DMXL1: variants seen among roughly 807,000 people sequenced by gnomAD.
DMXL1 encodes dmX-like protein 1.
In DMXL1, 99 loss-of-function variants were observed where a neutral mutation model predicts 319.2. The ratio of observed to expected loss-of-function variants is 0.31; its 90% CI spans 0.26 to 0.37. The LOEUF (loss-of-function observed/expected upper bound fraction) is 0.37, where lower values mean the gene tolerates loss of function less well. DMXL1 is among the 10% of genes least tolerant of loss of function. DMXL1 has a pLI of 1.00. For synonymous variants in DMXL1, 1,385 were observed against 1,235.2 expected (o/e 1.12, Z -2.54); for missense variants, 3,745 against 3,595.6 (o/e 1.04, Z -1.06).
At chr5:119,204,213 C>A (rs1207402755) in intron 33 of DMXL1, among the ~76,000 whole-genome samples, 1 of 152,172 alleles carries the variant, frequency 6.6e-6, no homozygotes, top group African/African-American at 2.4e-5. Flanking sequence ...TTTCAGCTCA[C>A]TGCAACCTCT....
At chr5:119,210,738 C>G (rs1261474001) in intron 34 of DMXL1, among the ~76,000 whole-genome samples, 1 of 98,062 alleles carries the variant, frequency 1.0e-5, no homozygotes, top group African/African-American at 3.7e-5. Flanking sequence ...CTTCTAAGTT[C>G]TTTTTTCTTT....
chr5:119,090,563 T>G (rs1336482270), intron 1 of DMXL1, among the ~76,000 whole-genome samples: 5 of 150,922 alleles, frequency 3.3e-5, no homozygotes, highest in Non-Finnish European at 7.4e-5. Context: ...TCCTCTGTTT[T>G]TTTTTTTTTT....
At chr5:119,137,227 T>C (rs773590193) in intron 13 of DMXL1, among the ~76,000 whole-genome samples, 26 of 152,214 alleles carry the variant, frequency 1.7e-4, no homozygotes, top group Non-Finnish European at 3.4e-4. Flanking sequence ...CAGACTTGCA[T>C]GGGGCTTATG....
chr5:119,102,234 A>C (rs1436914080), intron 3 of DMXL1: 1 of 330,908 alleles, frequency 3.0e-6, no homozygotes, highest in African/African-American at 2.2e-5. Context: ...TTTATTTCTG[A>C]CATTTTTAAT....
Position 119,149,592 on chromosome 5 carries a change from C to T in DMXL1, c.3765C>T (p.Tyr1255=). 1.2e-6 allele frequency: 2 copies of T among 1,613,938 alleles called. No individual in the cohort carries two copies. Among genetic ancestry groups the T allele is most frequent in the African/African-American group, 1.3e-5 (1 of 75,032 alleles). Residue 1255 remains tyrosine, a synonymous_variant, in exon 18 of 44, where the codon TAC becomes TAT. Transcript: ENST00000539542. ...SKQEPVITDS[Y]SGSTPSITSL... is the part of the protein sequence containing the mutation. The stretch of plus-strand genomic sequence containing the variant: ...AAGAACCTGTTATAACAGATTCGTA[C>T]AGTGGGAGCACTCCATCTATAACAA...
chr5:119,113,178 T>C (rs775703295), intron 5 of DMXL1, among the ~76,000 whole-genome samples: 8 of 152,112 alleles, frequency 5.3e-5, no homozygotes, highest in Non-Finnish European at 1.0e-4. Flanking sequence ...ATAATGTAGA[T>C]CTGTACACCT....
At chr5:119,238,888 A>C (rs1041826899) in intron 40 of DMXL1, 101 bp from the exon 41 acceptor site, 4 of 1,508,044 alleles carry the variant, frequency 2.7e-6, no homozygotes, top group Non-Finnish European at 3.5e-6. Flanking sequence ...AGAGGATTTA[A>C]GAAAGCCAGA....
chr5:119,137,908 A>G (rs1766392254), intron 13 of DMXL1, among the ~76,000 whole-genome samples: 1 of 152,202 alleles, frequency 6.6e-6, no homozygotes, highest in African/African-American at 2.4e-5. Context: ...GGTGGAAAAT[A>G]GTCAGGGATA....
chr5:119,134,878 C>T (rs990762431), intron 13 of DMXL1, among the ~76,000 whole-genome samples: 1 of 152,242 alleles, frequency 6.6e-6, no homozygotes, highest in African/African-American at 2.4e-5. Flanking sequence ...CTTCTAACTG[C>T]ATTGTCTTGG....
At chr5:119,174,975 A>C (rs1189051206) in intron 25 of DMXL1, among the ~76,000 whole-genome samples, 1 of 152,208 alleles carries the variant, frequency 6.6e-6, no homozygotes, top group Non-Finnish European at 1.5e-5. Context: ...TTCATGCTCT[A>C]CTGGAGAGCT....
At chr5:119,105,757 C>T (rs995195864) in intron 4 of DMXL1, among the ~76,000 whole-genome samples, 2 of 152,108 alleles carry the variant, frequency 1.3e-5, no homozygotes, top group East Asian at 1.9e-4. Flanking sequence ...ATTAGCTGGG[C>T]ATAGTGGCGC....
chr5:119,236,371 A>G (rs1039283932), intron 39 of DMXL1: 9 of 152,044 alleles, frequency 5.9e-5, no homozygotes, highest in African/African-American at 1.9e-4. Context: ...CTACATAATT[A>G]TGCAAAGGTA....
At chr5:119,122,028 C>T (rs1410233245) in intron 9 of DMXL1, among the ~76,000 whole-genome samples, 6 of 138,398 alleles carry the variant, frequency 4.3e-5, no homozygotes, top group Non-Finnish European at 7.8e-5. Context: ...GGCGGCTGGC[C>T]GGGCAGGGGG....
intron 38 of DMXL1, among the ~76,000 whole-genome samples, chr5:119,227,591 C>G (rs1263967415): frequency 6.6e-6 from 1 of 152,074 alleles, no homozygotes; most frequent in Non-Finnish European, 1.5e-5. Flanking sequence ...TATATATGTA[C>G]AGTACCAGGC....
At position 119,203,883 on chromosome 5, in the gene DMXL1, C is replaced by T. The variant is rs551537089; in HGVS notation, c.7863+447C>T. ...TCACCCAGGCTGGAGTGCAGTGGTG[C>T]GATCTCAGCTTACTGCAAGCTCCGC... is the stretch of plus-strand genomic sequence containing the variant. On this transcript the variant is annotated intron_variant, in intron 33 of 43. Coordinates refer to ENST00000539542, the MANE Select transcript of DMXL1 (RefSeq NM_001290321.3). Among the ~76,000 whole-genome samples the T allele has an allele frequency of 5.3e-5, 8 of 152,142 alleles. 1 individual carries two copies. Among genetic ancestry groups the T allele is most frequent in the Middle Eastern group, 6.8e-3 (2 of 294 alleles).
At chr5:119,199,105 C>T (rs1034002855) in intron 32 of DMXL1, among the ~76,000 whole-genome samples, 6 of 152,112 alleles carry the variant, frequency 3.9e-5, no homozygotes, top group African/African-American at 1.2e-4. Flanking sequence ...TCAGGCTGGT[C>T]TCAAACTCCT....
chr5:119,207,387 T>C (rs1050236142), intron 34 of DMXL1, among the ~76,000 whole-genome samples: 1 of 152,204 alleles, frequency 6.6e-6, no homozygotes, highest in African/African-American at 2.4e-5. Flanking sequence ...AGCAATAGCA[T>C]GTAGCAAAGT....
chr5:119,189,201 C>T (rs752028478), intron 28 of DMXL1, among the ~76,000 whole-genome samples: 1 of 152,034 alleles, frequency 6.6e-6, no homozygotes, highest in Non-Finnish European at 1.5e-5. Context: ...GTCTCTGAGC[C>T]GTTTCCGAAA....
chr5:119,151,745 T>C (rs974297259), intron 18 of DMXL1, among the ~76,000 whole-genome samples, 184 bp from the exon 19 acceptor site: 2 of 152,218 alleles, frequency 1.3e-5, no homozygotes, highest in Non-Finnish European at 2.9e-5. Flanking sequence ...TTTATTATTT[T>C]TCCAATTGTT....
Sources: gnomAD v4.1 joint callset for allele counts (sites outside exome capture counted in the v4.1 genomes callset) on GRCh38, gnomAD v4.1.1 for gene constraint, MANE v1.5 for transcripts, NCBI Gene and HGNC (gene_info 2026-07-23, HGNC 2026-07-21) for gene names.